The following ADCK2 variants were observed in gnomAD, a reference collection of about 807,000 sequenced individuals.
ADCK2 encodes the protein uncharacterized aarF domain-containing protein kinase 2.
In ADCK2, 37 loss-of-function variants were observed where a neutral mutation model predicts 52.3. The ratio of observed to expected loss-of-function variants is 0.71; its 90% CI spans 0.54 to 0.93. The LOEUF is 0.93. Among genes scored for constraint, ADCK2 ranks in the 40% least tolerant of loss-of-function variants. The pLI, the probability that ADCK2 is intolerant of heterozygous loss-of-function variation, is 0.00. For missense variants in ADCK2, 695 were observed against 798.7 expected (o/e 0.87, Z 1.56); for synonymous variants, 321 against 349.2 (o/e 0.92, Z 0.90).
chr7:140,674,461 G>A lies in ADCK2; in HGVS notation c.934-150G>A, dbSNP rs531380521. On this transcript the variant is annotated intron_variant, in intron 1 of 7. Coordinates refer to ENST00000072869, the MANE Select transcript of ADCK2 (RefSeq NM_052853.4). The surrounding 1 kb of genome is among the most constrained non-coding windows in gnomAD (Gnocchi z 4.6). ...GATAGAGGAAAATGAACTGAGTCTG[G>A]AGTGAACTAACTGCTTGGGTGTCGG... is the stretch of plus-strand genomic sequence containing the variant. 41 of 1,137,548 alleles carry A rather than the reference G, an allele frequency of 3.6e-5. No individual in the cohort carries two copies. In the South Asian group the frequency reaches 5.9e-4, roughly 16 times the overall value. 70.5% of individuals were successfully genotyped at this position (1,137,548 alleles called of 1,614,324 possible).
At chr7:140,679,663 T>TC (rs1491138727) in intron 3 of ADCK2, among the ~76,000 whole-genome samples, 1 of 44,616 alleles carries the variant, frequency 2.2e-5, no homozygotes, top group Non-Finnish European at 7.1e-5. Context: ...CTTCTCTCTC[T>TC]TTTTTTTTTT....
At chr7:140,694,409 CAT>C (rs1201856280) in intron 7 of ADCK2, among the ~76,000 whole-genome samples, 2 of 152,198 alleles carry the variant, frequency 1.3e-5, no homozygotes, top group Non-Finnish European at 2.9e-5. Context: ...TTCATACACA[CAT>C]GGACACAAAC....
At position 140,690,810 on chromosome 7, in the gene ADCK2, C is replaced by T. The variant is rs371480464; in HGVS notation, c.1737C>T (p.His579=). Residue 579 remains histidine, a synonymous_variant, in exon 7 of 8, where the codon CAC becomes CAT. Transcript: ENST00000072869. ...LSSVFKLLMT[H]KVKLESNFAS... is the part of the protein sequence containing the mutation. ...GTGTCTTTAAGTTGCTGATGACTCA[C>T]AAGGTGAGGGCCATTCAGAGGGGAG... The T allele has an allele frequency of 6.2e-7, 1 of 1,613,252 alleles. No homozygotes were observed. The highest frequency in any genetic ancestry group is 1.3e-5 in the African/African-American group (1 of 74,674).
Position 140,679,303 on chromosome 7 carries a change from C to G in ADCK2, c.1209+20C>G, listed in dbSNP as rs749748432. The G allele has an allele frequency of 6.2e-7, 1 of 1,612,816 alleles. No homozygotes were observed. The stretch of plus-strand genomic sequence containing the variant: ...TATGAAGTAAGAGTGATGGCTTTGC[C>G]TGGCCATACCTTTCACTTGCCACTC... On this transcript the variant is annotated intron_variant, in intron 3 of 7. Coordinates refer to ENST00000072869, the MANE Select transcript of ADCK2 (RefSeq NM_052853.4).
intron 7 of ADCK2, among the ~76,000 whole-genome samples, chr7:140,694,266 A>AGAGT (rs1156306212): frequency 1.3e-5 from 2 of 152,338 alleles, no homozygotes; most frequent in Admixed American, 1.3e-4. Flanking sequence ...CCTAGGTGAC[A>AGAGT]GAGTGAGACC....
In ADCK2 at chr7:140,674,806, C is replaced by T; in HGVS notation, c.1080+49C>T. The T allele has an allele frequency of 6.4e-7, 1 of 1,573,202 alleles. No homozygotes were observed. The highest frequency in any genetic ancestry group is 8.7e-7 in the Non-Finnish European group (1 of 1,152,674). On this transcript the variant is annotated intron_variant, in intron 2 of 7. Coordinates refer to ENST00000072869, the MANE Select transcript of ADCK2 (RefSeq NM_052853.4). This position sits in a 1 kb window ranked among gnomAD's most constrained non-coding sequence, Gnocchi z 4.6. ...TAAATAGCACCTAACATAGTTCTTG[C>T]CATTAGCTGCTACTTAGTAAATGTT...
intron 4 of ADCK2, among the ~76,000 whole-genome samples, chr7:140,684,049 C>T (rs1794563295): frequency 1.3e-5 from 2 of 152,228 alleles, no homozygotes; most frequent in South Asian, 4.1e-4. Context: ...CTAGAAAGAG[C>T]TACTTGGAAA....
At chr7:140,689,532 C>G in intron 5 of ADCK2, 65 bp from the exon 6 acceptor site, 1 of 1,513,254 alleles carries the variant, frequency 6.6e-7, no homozygotes, top group Non-Finnish European at 8.9e-7. Context: ...GAGAAAGACG[C>G]TTGGGCACCG....
In ADCK2 at chr7:140,678,459, A is replaced by G. The variant is rs1004761218; in HGVS notation, c.1081-696A>G. Among the ~76,000 whole-genome samples the G allele has an allele frequency of 6.6e-6, 1 of 152,232 alleles. No homozygotes were observed. The highest frequency in any genetic ancestry group is 1.5e-5 in the Non-Finnish European group (1 of 68,024). On this transcript the variant is annotated intron_variant, in intron 2 of 7. Transcript: ENST00000072869. The surrounding 1 kb of genome is among the most constrained non-coding windows in gnomAD (Gnocchi z 4.9). Reference sequence around the variant, plus strand: ...CCGGCTGAGGGCTTGGTGGCTGTCAAGGGGACACACACGCTCACTTCGGTC... The same window carrying G: ...CCGGCTGAGGGCTTGGTGGCTGTCAGGGGGACACACACGCTCACTTCGGTC...
At position 140,693,695 on chromosome 7, in the gene ADCK2, T is replaced by C. The variant is rs1437902914; in HGVS notation, c.1741-968T>C. Among the ~76,000 whole-genome samples the C allele has an allele frequency of 1.3e-5, 2 of 152,136 alleles. No individual in the cohort carries two copies. Among genetic ancestry groups the C allele is most frequent in the African/African-American group, 4.8e-5 (2 of 41,426 alleles). On this transcript the variant is annotated intron_variant, in intron 7 of 7. Transcript: ENST00000072869. The surrounding 1 kb of genome is among the most constrained non-coding windows in gnomAD (Gnocchi z 4.0). Reference sequence around the variant, plus strand: ...AGCTGTACCCTGTTTGAGCAGTCAATTGTGTGTTGTCTCTGATTTTTTTTA... The same window carrying C: ...AGCTGTACCCTGTTTGAGCAGTCAACTGTGTGTTGTCTCTGATTTTTTTTA...
rs1405389643 is a variant in ADCK2 at position 140,673,633 on chromosome 7, T to TCGCG, written c.305_308dup (p.Gly104ArgfsTer81). 6.2e-7 allele frequency: 1 copy of TCGCG among 1,609,996 alleles called. No individual in the cohort carries two copies. The highest frequency in any genetic ancestry group is 1.1e-5 in the South Asian group (1 of 91,070). On this transcript the variant is annotated frameshift_variant, in exon 1 of 8. Coordinates refer to ENST00000072869, the MANE Select transcript of ADCK2 (RefSeq NM_052853.4). LOFTEE classifies it high-confidence loss of function. This position sits in a 1 kb window ranked among gnomAD's most constrained non-coding sequence, Gnocchi z 6.4. ...TCTTCCTGCATCTCCGCCTCTGGCT[T>TCGCG]CGCGCCGGCGCTCTGTTGGTGAAAT...
In ADCK2 at chr7:140,673,987, C is replaced by A. The variant is rs371985645; in HGVS notation, c.657C>A (p.Ala219=). The change falls in exon 1 of 8, where the codon GCC becomes GCA. Residue 219 remains alanine, a synonymous_variant. Coordinates refer to ENST00000072869, the MANE Select transcript of ADCK2 (RefSeq NM_052853.4). This position sits in a 1 kb window ranked among gnomAD's most constrained non-coding sequence, Gnocchi z 6.4. The part of the protein sequence containing the change: ...GCVAQVYKAY[A]NTAFLETDSV... ...TGGCCCAGGTGTACAAAGCATACGC[C>A]AACACTGCCTTCCTGGAGACTGACA... 12 of 1,613,952 alleles carry A rather than the reference C, an allele frequency of 7.4e-6. No individual in the cohort carries two copies. Among genetic ancestry groups the A allele is most frequent in the Non-Finnish European group, 8.5e-6 (10 of 1,180,042 alleles).
intron 4 of ADCK2, among the ~76,000 whole-genome samples, chr7:140,682,849 A>G (rs1794539146): frequency 6.6e-6 from 1 of 150,588 alleles, no homozygotes; most frequent in African/African-American, 2.4e-5. Context: ...AAAAAAATAC[A>G]AAAATTGGCC....
rs1554489297 is a variant in ADCK2, at chr7:140,673,117, C to CGCGCT, written c.-210_-209insTGCGC. On this transcript the variant is annotated 5_prime_UTR_variant, in exon 1 of 8. Transcript: ENST00000072869. The surrounding 1 kb of genome is among the most constrained non-coding windows in gnomAD (Gnocchi z 6.4). The stretch of plus-strand genomic sequence containing the variant: ...GTTGGTGCCGTCTGACAGCCCCTTC[C>CGCGCT]GCGCGGCGCGGCGCGGCGCGGCGGG... 3.3e-6 allele frequency: 1 copy of CGCGCT among 303,008 alleles called. No homozygotes were observed. Among genetic ancestry groups the CGCGCT allele is most frequent in the Non-Finnish European group, 5.9e-6 (1 of 168,670 alleles). The allele number at this position is 303,008 out of a possible 1,614,324, so 18.8% of individuals were successfully genotyped here. A position where few individuals can be genotyped will look rare whatever the true frequency, so the allele number is the denominator to read the frequency against.
At chr7:140,688,272 G>C (rs1794642379) in intron 5 of ADCK2, among the ~76,000 whole-genome samples, 1 of 152,118 alleles carries the variant, frequency 6.6e-6, no homozygotes, top group African/African-American at 2.4e-5. Context: ...TTGAACTTCT[G>C]ACCTCAGGTG....
intron 2 of ADCK2, among the ~76,000 whole-genome samples, chr7:140,677,211 C>T (rs1794434951): frequency 6.6e-6 from 1 of 152,026 alleles, no homozygotes; most frequent in Non-Finnish European, 1.5e-5. Context: ...AGTTCAAGAC[C>T]AGCCTGGCCA....
intron 4 of ADCK2, among the ~76,000 whole-genome samples, chr7:140,683,629 G>C (rs1794554438): frequency 6.6e-6 from 1 of 152,194 alleles, no homozygotes; most frequent in Admixed American, 6.5e-5. Context: ...CTGAAGAGGG[G>C]CCTGGCCGCA....
intron 4 of ADCK2, among the ~76,000 whole-genome samples, chr7:140,684,251 C>G (rs546538762): frequency 1.3e-5 from 2 of 152,282 alleles, no homozygotes; most frequent in South Asian, 2.1e-4. Context: ...CCTTTGTCGT[C>G]AGGCTTCTTA....
intron 4 of ADCK2, among the ~76,000 whole-genome samples, chr7:140,683,870 A>G (rs1794560809): frequency 6.6e-6 from 1 of 152,142 alleles, no homozygotes; most frequent in African/African-American, 2.4e-5. Flanking sequence ...GGCTGGAGGG[A>G]TGGAGAAACT....
Sources: gnomAD v4.1 joint callset for allele counts (sites outside exome capture counted in the v4.1 genomes callset) on GRCh38, gnomAD v4.1.1 for gene constraint, Gnocchi (gnomAD v3.1) non-coding constraint, MANE v1.5 for transcripts, NCBI Gene and HGNC (gene_info 2026-07-23, HGNC 2026-07-21) for gene names.